BMF: variants seen among roughly 807,000 people sequenced by gnomAD.
BMF encodes the protein Bcl2 modifying factor.
A neutral mutation model predicts 22.0 loss-of-function variants in BMF; 10 were observed. The ratio of observed to expected loss-of-function variants is 0.45; its 90% confidence interval spans 0.28 to 0.77. The LOEUF (loss-of-function observed/expected upper bound fraction) is 0.77, where lower values mean the gene tolerates loss of function less well. Among genes scored for constraint, BMF ranks in the 30% least tolerant of loss-of-function variants. The pLI, the probability that BMF is intolerant of heterozygous loss-of-function variation, is 0.13. For missense variants in BMF, 206 were observed against 226.8 expected (o/e 0.91, Z 0.59); for synonymous variants, 87 against 88.1 (o/e 0.99, Z 0.07).
In BMF at chr15:40,100,656, G is replaced by A. The variant is rs568514220; in HGVS notation, c.453+3524C>T. ...AAGAGTCACCCTGAACTGGTAACTC[G>A]GGTGACCAGGCTAGTCCTCCACCTA... is the stretch of plus-strand genomic sequence containing the variant. On this transcript the variant is annotated intron_variant, in intron 4 of 4. Coordinates refer to ENST00000354670, the MANE Select transcript of BMF (RefSeq NM_001003940.2). Among the ~76,000 whole-genome samples, 3 of 152,290 alleles carry A rather than the reference G, an allele frequency of 2.0e-5. No individual in the cohort carries two copies. In the East Asian group the frequency reaches 5.8e-4, roughly 29 times the overall value.
chr15:40,099,256 A>T lies in BMF; in HGVS notation c.453+4924T>A, dbSNP rs181159416. ...GAAGCAATCAGGGGCTCCCTGAACA[A>T]AGGATCCAGTCTGCTAGGCAGAGAA... On this transcript the variant is annotated intron_variant, in intron 4 of 4. Transcript: ENST00000354670. Among the ~76,000 whole-genome samples the T allele has an allele frequency of 1.5e-3, 236 of 152,342 alleles. 1 individual carries two copies. The highest frequency in any genetic ancestry group is 5.6e-3 in the African/African-American group (232 of 41,570).
rs1263046293 is a variant in BMF, at chr15:40,089,564, A to G, written c.*2223T>C. 6.6e-6 allele frequency: 1 copy of G among 152,270 alleles called. No homozygotes were observed. Among genetic ancestry groups the G allele is most frequent in the Non-Finnish European group, 1.5e-5 (1 of 68,062 alleles). The allele number at this position is 152,270 out of a possible 1,614,324, so 9.4% of individuals were successfully genotyped here. ...AAAGTCTGGGCTCAGTTCTCAGGCC[A>G]CAGGGCACCCAGCCTGGGCCTGGCA... is the stretch of plus-strand genomic sequence containing the variant. On this transcript the variant is annotated 3_prime_UTR_variant, in exon 5 of 5. Coordinates refer to ENST00000354670, the MANE Select transcript of BMF (RefSeq NM_001003940.2).
At chr15:40,101,295 CTG>C (rs1188609189) in intron 4 of BMF, among the ~76,000 whole-genome samples, 1 of 152,216 alleles carries the variant, frequency 6.6e-6, no homozygotes, top group Non-Finnish European at 1.5e-5. Flanking sequence ...AGAACATCTA[CTG>C]TGTGTCCCAA....
At chr15:40,103,463 G>C (rs1249230645) in intron 4 of BMF, among the ~76,000 whole-genome samples, 2 of 152,220 alleles carry the variant, frequency 1.3e-5, no homozygotes, top group African/African-American at 4.8e-5. Flanking sequence ...TGGCACAGAG[G>C]GCTCCTCCAG....
rs1380660245 is a variant in BMF, at chr15:40,107,019, G to A, written c.-5-928C>T. Among the ~76,000 whole-genome samples the A allele has an allele frequency of 2.0e-5, 3 of 152,292 alleles. No homozygotes were observed. The East Asian group carries it at 5.8e-4, about 29-fold the overall frequency. On this transcript the variant is annotated intron_variant, in intron 2 of 4. Coordinates refer to ENST00000354670, the MANE Select transcript of BMF (RefSeq NM_001003940.2). ...CCCTCTCCCTGTGACCTCACTCACT[G>A]CCTATACTGCTGAAGTTATTGATAT...
Position 40,106,056 on chromosome 15 carries a change from C to T in BMF, c.31G>A (p.Glu11Lys), listed in dbSNP as rs1437572059. 1 of 1,611,286 alleles carries T rather than the reference C, an allele frequency of 6.2e-7. No homozygotes were observed. The highest frequency in any genetic ancestry group is 1.1e-5 in the South Asian group (1 of 90,808). MEPSQCVEEL[E>K]DDVFQPEDGE... ...TCCTCTGGTTGGAACACATCATCCT[C>T]CAGCTCCTCCACACACTGAGATGGC... Residue 11 changes from glutamate to lysine, a missense_variant, in exon 3 of 5, where the codon GAG becomes AAG. Coordinates refer to ENST00000354670, the MANE Select transcript of BMF (RefSeq NM_001003940.2). This position sits in a 1 kb window ranked among gnomAD's most constrained non-coding sequence, Gnocchi z 4.1.
At position 40,107,531 on chromosome 15, in the gene BMF, CAA is replaced by C. The variant is rs1282707391; in HGVS notation, c.-6+726_-6+727del. Among the ~76,000 whole-genome samples, 7 of 107,210 alleles carry C rather than the reference CAA, an allele frequency of 6.5e-5. No homozygotes were observed. The East Asian group carries it at 8.1e-4, about 12-fold the overall frequency. 70.3% of individuals were successfully genotyped at this position (107,210 alleles called of 152,430 possible). A position where few individuals can be genotyped will look rare whatever the true frequency, so the allele number is the denominator to read the frequency against. ...GTGGTGTTCTTTGGACCGTGTTTCC[CAA>C]GTGTGTGTGTGTGTGTGTGTGTGTG... On this transcript the variant is annotated intron_variant, in intron 2 of 4. Transcript: ENST00000354670.
chr15:40,100,533 C>T (rs1269772707), intron 4 of BMF, among the ~76,000 whole-genome samples: 22 of 152,220 alleles, frequency 1.4e-4, no homozygotes, highest in Admixed American at 1.4e-3. Context: ...ACTCACTCTG[C>T]CTCCAACTCT....
Position 40,105,799 on chromosome 15 carries a change from A to G in BMF, c.288T>C (p.Phe96=). The change falls in exon 3 of 5, where the codon TTT becomes TTC. Residue 96 remains phenylalanine, a synonymous_variant. Transcript: ENST00000354670. ...CGVTEEPQRL[F]YGNAGYRLPL... is the part of the protein sequence containing the mutation. ...CTTGAGGCTGAGAGCACTCACCATA[A>G]AAGAGTCGCTGGGGTTCCTCAGTCA... is the stretch of plus-strand genomic sequence containing the variant. 1 of 1,605,346 alleles carries G rather than the reference A, an allele frequency of 6.2e-7. No individual in the cohort carries two copies. Among genetic ancestry groups the G allele is most frequent in the East Asian group, 2.2e-5 (1 of 44,744 alleles).
Position 40,106,027 on chromosome 15 carries a change from C to T in BMF, c.60G>A (p.Gly20=), listed in dbSNP as rs911143310. 3 of 1,613,584 alleles carry T rather than the reference C, an allele frequency of 1.9e-6. No homozygotes were observed. The Admixed American group carries it at 5.0e-5, about 27-fold the overall frequency. The change falls in exon 3 of 5, where the codon GGG becomes GGA. Residue 20 remains glycine, a synonymous_variant. Transcript: ENST00000354670. The surrounding 1 kb of genome is among the most constrained non-coding windows in gnomAD (Gnocchi z 4.1). ...LEDDVFQPED[G]EPVTQPGSLL... ...AGCTCCCGGGTTGGGTCACCGGCTC[C>T]CCATCCTCTGGTTGGAACACATCAT...
rs1407963620 is a variant in BMF at position 40,106,845 on chromosome 15, T to C, written c.-5-754A>G. Among the ~76,000 whole-genome samples the C allele has an allele frequency of 1.3e-5, 2 of 152,158 alleles. No homozygotes were observed. The highest frequency in any genetic ancestry group is 4.8e-5 in the African/African-American group (2 of 41,438). ...AGTTGAGCTGTCTGCCCACCAAAGT[T>C]TGGCCTAGAGGGTAGGTCCAGCCTC... On this transcript the variant is annotated intron_variant, in intron 2 of 4. Coordinates refer to ENST00000354670, the MANE Select transcript of BMF (RefSeq NM_001003940.2). The surrounding 1 kb of genome is among the most constrained non-coding windows in gnomAD (Gnocchi z 4.1).
At position 40,106,963 on chromosome 15, in the gene BMF, A is replaced by G. The variant is rs560968721; in HGVS notation, c.-5-872T>C. 2.6e-5 allele frequency among the ~76,000 whole-genome samples: 4 copies of G among 152,300 alleles called. No individual in the cohort carries two copies. Among genetic ancestry groups the G allele is most frequent in the African/African-American group, 9.6e-5 (4 of 41,570 alleles). The stretch of plus-strand genomic sequence containing the variant: ...CCAGCTCTGAACCTGAGACTGGTAC[A>G]ACTGGTCTTACAGAAGGAAGTGAAA... On this transcript the variant is annotated intron_variant, in intron 2 of 4. Transcript: ENST00000354670. This position sits in a 1 kb window ranked among gnomAD's most constrained non-coding sequence, Gnocchi z 4.1.
At chr15:40,102,851 C>T (rs2036507625) in intron 4 of BMF, among the ~76,000 whole-genome samples, 2 of 152,168 alleles carry the variant, frequency 1.3e-5, no homozygotes, top group Non-Finnish European at 2.9e-5. Flanking sequence ...AACTCGAAGC[C>T]AAGTTTCCAC....
chr15:40,094,387 C>T (rs1221131755), intron 4 of BMF, among the ~76,000 whole-genome samples: 3 of 152,114 alleles, frequency 2.0e-5, no homozygotes, highest in East Asian at 3.8e-4. Flanking sequence ...ATACATGGGC[C>T]GGCCCTTGGG....
At chr15:40,101,911 CT>C (rs1332522015) in intron 4 of BMF, among the ~76,000 whole-genome samples, 1 of 152,118 alleles carries the variant, frequency 6.6e-6, no homozygotes, top group Non-Finnish European at 1.5e-5. Context: ...GCCTCCTACC[CT>C]TGTAAGTAAG....
chr15:40,100,810 C>T (rs2036460585), intron 4 of BMF, among the ~76,000 whole-genome samples: 1 of 152,184 alleles, frequency 6.6e-6, no homozygotes, highest in Admixed American at 6.5e-5. Flanking sequence ...CATCAGCACG[C>T]CCCCTCCCTC....
chr15:40,091,943 G>A lies in BMF; in HGVS notation c.454-55C>T, dbSNP rs377571525. ...ATAACTCCCAAACGCAATCTTAGAC[G>A]ACTCCCTCTCATTTCCAGTAAAAGT... On this transcript the variant is annotated intron_variant, in intron 4 of 4. Coordinates refer to ENST00000354670, the MANE Select transcript of BMF (RefSeq NM_001003940.2). The A allele has an allele frequency of 1.9e-5, 25 of 1,300,332 alleles. No individual in the cohort carries two copies. In the East Asian group the frequency reaches 2.8e-4, roughly 14 times the overall value. 80.5% of individuals were successfully genotyped at this position (1,300,332 alleles called of 1,614,324 possible). A position where few individuals can be genotyped will look rare whatever the true frequency, so the allele number is the denominator to read the frequency against.
intron 4 of BMF, among the ~76,000 whole-genome samples, chr15:40,095,918 G>A (rs1008597179): frequency 9.2e-5 from 14 of 152,164 alleles, no homozygotes; most frequent in Non-Finnish European, 1.9e-4. Flanking sequence ...CCTACTGTGT[G>A]CAACACCCTA....
chr15:40,100,145 G>GA (rs2141028187), intron 4 of BMF, among the ~76,000 whole-genome samples: 1 of 152,204 alleles, frequency 6.6e-6, no homozygotes, highest in East Asian at 1.9e-4. Flanking sequence ...ACATTGCCCA[G>GA]AAATACCCCC....
Sources: gnomAD v4.1 joint callset for allele counts (sites outside exome capture counted in the v4.1 genomes callset) on GRCh38, gnomAD v4.1.1 for gene constraint, Gnocchi (gnomAD v3.1) non-coding constraint, MANE v1.5 for transcripts, NCBI Gene and HGNC (gene_info 2026-07-23, HGNC 2026-07-21) for gene names.